FGFR2: variants seen among roughly 807,000 people sequenced by gnomAD.
FGFR2 encodes fibroblast growth factor receptor 2.
Under a neutral mutation model 95.9 loss-of-function variants are expected in FGFR2, and 19 were observed. That is an observed-to-expected ratio of 0.20 (90% CI 0.14 to 0.29). The LOEUF (loss-of-function observed/expected upper bound fraction) is 0.29, where lower values mean the gene tolerates loss of function less well. Ranked by LOEUF, FGFR2 falls within the 10% of genes least tolerant of loss-of-function variation. The pLI, the probability that FGFR2 is intolerant of heterozygous loss-of-function variation, is 1.00. For synonymous variants in FGFR2, 392 were observed against 393.3 expected, an observed-to-expected ratio of 1.00 and a Z score of 0.04; for missense variants, 707 against 1,056.9, an observed-to-expected ratio of 0.67 and a Z score of 4.59.
At position 121,517,284 on chromosome 10, in the gene FGFR2, G is replaced by A. The variant is rs1425784803; in HGVS notation, c.1084+35C>T. 5 of 1,612,604 alleles carry A rather than the reference G, an allele frequency of 3.1e-6. No individual in the cohort carries two copies. Among genetic ancestry groups the A allele is most frequent in the Non-Finnish European group, 4.2e-6 (5 of 1,178,790 alleles). On this transcript the variant is annotated intron_variant, in intron 8 of 17. Transcript: ENST00000358487. The surrounding 1 kb of genome is among the most constrained non-coding windows in gnomAD (Gnocchi z 4.7). The stretch of plus-strand genomic sequence containing the variant: ...ATTTTATAGCAGTCAACCAAGAAAA[G>A]GGAAAAAAACCCAGAGAGAAAGAAC...
chr10:121,523,483 G>A (rs185781440), intron 6 of FGFR2, among the ~76,000 whole-genome samples: 2 of 152,212 alleles, frequency 1.3e-5, no homozygotes, highest in Admixed American at 6.5e-5. Context: ...AGTTAAGTCC[G>A]CGCACGAACA....
chr10:121,595,748 C>A (rs1473822052), intron 1 of FGFR2, among the ~76,000 whole-genome samples: 1 of 152,234 alleles, frequency 6.6e-6, no homozygotes, highest in Non-Finnish European at 1.5e-5. Flanking sequence ...CCCCAGGCTC[C>A]TTCCCCGGCC....
In FGFR2 at chr10:121,556,841, G is replaced by A. The variant is rs373351519; in HGVS notation, c.455-5382C>T. On this transcript the variant is annotated intron_variant, in intron 4 of 17. Transcript: ENST00000358487. ...AAAGCCCCACTAAAGCCTCTGTCTCGAGTCTATAATTAGGGCTTTTAAAAA... is the reference window on the plus strand; with the variant it reads ...AAAGCCCCACTAAAGCCTCTGTCTCAAGTCTATAATTAGGGCTTTTAAAAA... Among the ~76,000 whole-genome samples the A allele has an allele frequency of 1.6e-4, 25 of 152,098 alleles. 1 individual carries two copies. Among genetic ancestry groups the A allele is most frequent in the East Asian group, 5.8e-4 (3 of 5,194 alleles).
intron 5 of FGFR2, 141 bp from the exon 6 acceptor site, chr10:121,538,856 A>G (rs999059845): frequency 9.3e-7 from 1 of 1,070,686 alleles, no homozygotes; most frequent in African/African-American, 1.6e-5. Flanking sequence ...GATAACTGTC[A>G]TTAAGAATCG....
chr10:121,535,647 C>T (rs1383273240), intron 6 of FGFR2, among the ~76,000 whole-genome samples: 1 of 152,146 alleles, frequency 6.6e-6, no homozygotes, highest in African/African-American at 2.4e-5. Flanking sequence ...TAGGGGAGCC[C>T]ATTTTATTAT....
intron 4 of FGFR2, among the ~76,000 whole-genome samples, chr10:121,561,396 C>A (rs1439644793): frequency 1.2e-4 from 18 of 150,054 alleles, no homozygotes; most frequent in African/African-American, 4.4e-4. Flanking sequence ...TGCGCTCCAG[C>A]CTGGGCAACA....
chr10:121,551,485 G>C (rs766456572), intron 4 of FGFR2, 26 bp from the exon 5 acceptor site: 8 of 1,606,008 alleles, frequency 5.0e-6, no homozygotes, highest in Non-Finnish European at 6.8e-6. Context: ...GTATTAGAAT[G>C]TATACTGATG....
chr10:121,501,715 A>G (rs995840371), intron 10 of FGFR2, among the ~76,000 whole-genome samples: 18 of 152,222 alleles, frequency 1.2e-4, no homozygotes, highest in African/African-American at 3.9e-4. Context: ...TGGAGCTGCC[A>G]TTAGTAAACA....
At chr10:121,589,351 C>T (rs148933188) in intron 2 of FGFR2, among the ~76,000 whole-genome samples, 1 of 152,178 alleles carries the variant, frequency 6.6e-6, no homozygotes, top group African/African-American at 2.4e-5. Context: ...CAAAACACTT[C>T]CAGTTTAAAC....
intron 4 of FGFR2, among the ~76,000 whole-genome samples, chr10:121,559,206 G>A (rs915254031): frequency 6.7e-6 from 1 of 149,384 alleles, no homozygotes; most frequent in Non-Finnish European, 1.5e-5. Context: ...TCCTAAAGAA[G>A]AACATACAAA....
At chr10:121,480,157 T>C (rs369829116) in intron 17 of FGFR2, 136 bp from the exon 18 acceptor site, 5 of 986,124 alleles carry the variant, frequency 5.1e-6, no homozygotes, top group Non-Finnish European at 8.1e-6. Context: ...ACACAAACTC[T>C]TGAGATGTGG....
intron 8 of FGFR2, among the ~76,000 whole-genome samples, chr10:121,516,309 C>A (rs1285509644): frequency 6.6e-6 from 1 of 152,140 alleles, no homozygotes; most frequent in East Asian, 1.9e-4. Context: ...CTCTTTGTTT[C>A]AAAGCAAATA....
At chr10:121,575,784 A>T (rs1268489626) in intron 2 of FGFR2, among the ~76,000 whole-genome samples, 2 of 150,854 alleles carry the variant, frequency 1.3e-5, no homozygotes, top group East Asian at 3.9e-4. Flanking sequence ...TAAACCAGGG[A>T]GGCAGAGGTT....
At position 121,488,966 on chromosome 10, in the gene FGFR2, G is replaced by A. The variant is rs376142070; in HGVS notation, c.1864-853C>T. On this transcript the variant is annotated intron_variant, in intron 13 of 17. Transcript: ENST00000358487. ...ATGAAGAACCTCTGAATTGTTAGAC[G>A]CAAATGACGTCCTCCAACTCCTCAG... Among the ~76,000 whole-genome samples, 13 of 152,286 alleles carry A rather than the reference G, an allele frequency of 8.5e-5. No homozygotes were observed. The South Asian group carries it at 1.0e-3, about 12-fold the overall frequency.
chr10:121,575,834 G>A (rs1202976069), intron 2 of FGFR2, among the ~76,000 whole-genome samples: 1 of 149,472 alleles, frequency 6.7e-6, no homozygotes, highest in Non-Finnish European at 1.5e-5. Context: ...CCAGCCGGGT[G>A]ACAGAGCGAG....
chr10:121,574,070 G>A (rs147411771), intron 2 of FGFR2, among the ~76,000 whole-genome samples: 115 of 152,214 alleles, frequency 7.6e-4, no homozygotes, highest in African/African-American at 2.5e-3. Context: ...TAGTGGCCAC[G>A]CCCAGTCCCA....
At chr10:121,498,240 C>T (rs1315091025) in intron 12 of FGFR2, among the ~76,000 whole-genome samples, 1 of 152,194 alleles carries the variant, frequency 6.6e-6, no homozygotes, top group Non-Finnish European at 1.5e-5. Flanking sequence ...CAGGTTATGA[C>T]CTAGAAACAG....
chr10:121,517,266 A>G lies in FGFR2; in HGVS notation c.1084+53T>C, dbSNP rs2134252115. Reference sequence around the variant, plus strand: ...ATAACAGAAGCTGTGTTAATTTTATAGCAGTCAACCAAGAAAAGGGAAAAA... The same window carrying G: ...ATAACAGAAGCTGTGTTAATTTTATGGCAGTCAACCAAGAAAAGGGAAAAA... On this transcript the variant is annotated intron_variant, in intron 8 of 17. Transcript: ENST00000358487. The surrounding 1 kb of genome is among the most constrained non-coding windows in gnomAD (Gnocchi z 4.7). 1.9e-6 allele frequency: 3 copies of G among 1,578,326 alleles called. No individual in the cohort carries two copies. Among genetic ancestry groups the G allele is most frequent in the Non-Finnish European group, 2.6e-6 (3 of 1,147,630 alleles).
intron 4 of FGFR2, among the ~76,000 whole-genome samples, chr10:121,556,098 G>A (rs571498216): frequency 1.3e-5 from 2 of 152,110 alleles, no homozygotes; most frequent in South Asian, 2.1e-4. Context: ...GCACTCAAGC[G>A]TTATTGGATG....
Sources: allele counts gnomAD v4.1 joint callset (sites outside exome capture counted in the v4.1 genomes callset), GRCh38; gene constraint gnomAD v4.1.1; non-coding constraint Gnocchi (gnomAD v3.1); transcripts MANE v1.5; gene names NCBI Gene and HGNC (gene_info 2026-07-23, HGNC 2026-07-21).